SYNPR: variants seen among roughly 807,000 people sequenced by gnomAD.
SYNPR encodes synaptoporin.
SYNPR carries 23 observed loss-of-function variants against 32.9 expected under a neutral mutation model. That is an observed-to-expected ratio of 0.70 (90% confidence interval 0.50 to 0.99). SYNPR has a LOEUF of 0.99. SYNPR is among the 50% of genes least tolerant of loss of function. SYNPR has a pLI of 0.00. For missense variants in SYNPR, 318 were observed against 349.3 expected (o/e 0.91, Z 0.71); for synonymous variants, 146 against 135.9 (o/e 1.07, Z -0.52).
At chr3:63,369,312 T>A (rs928192805) in intron 2 of SYNPR, among the ~76,000 whole-genome samples, 12 of 152,320 alleles carry the variant, frequency 7.9e-5, no homozygotes, top group African/African-American at 2.4e-4. Flanking sequence ...AATAAAGTTC[T>A]GTTGTCAAAA....
intron 2 of SYNPR, among the ~76,000 whole-genome samples, chr3:63,438,251 C>A (rs1007004370): frequency 6.6e-6 from 1 of 152,142 alleles, no homozygotes; most frequent in African/African-American, 2.4e-5. Flanking sequence ...CATTTCCATC[C>A]AAAAATCCTA....
At chr3:63,486,158 C>T (rs1485342456) in intron 3 of SYNPR, among the ~76,000 whole-genome samples, 3 of 152,190 alleles carry the variant, frequency 2.0e-5, no homozygotes, top group African/African-American at 4.8e-5. Context: ...ATCCACCTAC[C>T]TTGGCCCCCA....
chr3:63,423,322 C>A (rs912059311), intron 2 of SYNPR, among the ~76,000 whole-genome samples: 1 of 152,122 alleles, frequency 6.6e-6, no homozygotes, highest in Non-Finnish European at 1.5e-5. Context: ...CAAATGGACT[C>A]CCTGCCCCAC....
At chr3:63,480,019 T>G (rs78954716) in intron 2 of SYNPR, among the ~76,000 whole-genome samples, 2 of 152,234 alleles carry the variant, frequency 1.3e-5, no homozygotes, top group African/African-American at 4.8e-5. Flanking sequence ...GAAATTCTTT[T>G]GAGCTTAGCC....
intron 2 of SYNPR, among the ~76,000 whole-genome samples, chr3:63,256,903 C>T (rs549370102): frequency 7.2e-5 from 11 of 152,238 alleles, no homozygotes; most frequent in South Asian, 4.1e-4. Flanking sequence ...AACCACGGCA[C>T]GAGAACTACG....
the SYNPR span, among the ~76,000 whole-genome samples, chr3:63,202,214 C>T: frequency 6.6e-6 from 1 of 152,136 alleles, no homozygotes; most frequent in Non-Finnish European, 1.5e-5. Context: ...AACCAAATGA[C>T]TCCTAGATTC....
chr3:63,209,880 A>C, the SYNPR span, among the ~76,000 whole-genome samples: 31 of 152,312 alleles, frequency 2.0e-4, no homozygotes, highest in South Asian at 8.3e-4. Context: ...GCTCCATGAA[A>C]CATGGAAGGT....
intron 2 of SYNPR, among the ~76,000 whole-genome samples, chr3:63,473,394 T>C (rs918078895): frequency 6.6e-6 from 1 of 152,146 alleles, no homozygotes; most frequent in African/African-American, 2.4e-5. Context: ...ATTGATTGAT[T>C]GATTGATTGA....
At chr3:63,480,616 C>A (rs970685400) in intron 2 of SYNPR, among the ~76,000 whole-genome samples, 1 of 152,142 alleles carries the variant, frequency 6.6e-6, no homozygotes, top group Non-Finnish European at 1.5e-5. Flanking sequence ...ATTCTCCAAG[C>A]CACATTTCTT....
At chr3:63,496,137 T>A (rs907364583) in intron 3 of SYNPR, among the ~76,000 whole-genome samples, 3 of 152,086 alleles carry the variant, frequency 2.0e-5, no homozygotes, top group Admixed American at 6.6e-5. Flanking sequence ...ATTTATTTTT[T>A]AAAAATCCTA....
At position 63,612,493 on chromosome 3, in the gene SYNPR, C is replaced by T. The variant is rs567262770; in HGVS notation, c.601-2731C>T. Among the ~76,000 whole-genome samples, 11 of 152,276 alleles carry T rather than the reference C, an allele frequency of 7.2e-5. No individual in the cohort carries two copies. In the East Asian group the frequency reaches 1.9e-3, roughly 27 times the overall value. On this transcript the variant is annotated intron_variant, in intron 5 of 5. Transcript: ENST00000478300. ...TTTTAGACGATCTAGATCTTGTCTC[C>T]CCATTGTTTGCATGTTATGTACAGT...
intron 2 of SYNPR, among the ~76,000 whole-genome samples, chr3:63,446,466 C>T (rs1700278718): frequency 6.6e-6 from 1 of 152,016 alleles, no homozygotes; most frequent in South Asian, 2.1e-4. Context: ...TCCTTTGCAC[C>T]TGAGCAGTGG....
chr3:63,610,601 A>G (rs6445369), intron 5 of SYNPR: 2 of 633,980 alleles, frequency 3.2e-6, no homozygotes, highest in Admixed American at 4.8e-5. Context: ...GTCTCACAAT[A>G]ATTTTTATTC....
intron 2 of SYNPR, among the ~76,000 whole-genome samples, chr3:63,383,925 G>C (rs893241894): frequency 6.6e-6 from 1 of 152,214 alleles, no homozygotes; most frequent in African/African-American, 2.4e-5. Context: ...ACTATGTGTG[G>C]TGATGAATGT....
intron 2 of SYNPR, among the ~76,000 whole-genome samples, chr3:63,392,532 A>AGAATCCAG (rs1247288415): frequency 2.2e-4 from 33 of 152,160 alleles, no homozygotes; most frequent in African/African-American, 8.0e-4. Context: ...GGCTGCTGTG[A>AGAATCCAG]GAATCCAGGG....
chr3:63,315,080 T>G (rs1394076267), intron 2 of SYNPR, among the ~76,000 whole-genome samples: 13 of 152,102 alleles, frequency 8.5e-5, no homozygotes, highest in Non-Finnish European at 1.6e-4. Context: ...CTCTATACTG[T>G]GTCATTGGTC....
At chr3:63,527,007 G>A (rs1194960126) in intron 3 of SYNPR, among the ~76,000 whole-genome samples, 1 of 152,008 alleles carries the variant, frequency 6.6e-6, no homozygotes, top group African/African-American at 2.4e-5. Flanking sequence ...GGCCAGAGAA[G>A]AGCAGTGTTT....
intron 2 of SYNPR, among the ~76,000 whole-genome samples, chr3:63,397,860 T>G (rs867813786): frequency 1.3e-5 from 2 of 152,252 alleles, no homozygotes; most frequent in Non-Finnish European, 2.9e-5. Flanking sequence ...TCTTATCTTT[T>G]GGGGCCTAAG....
At chr3:63,306,811 C>T (rs2086914692) in intron 2 of SYNPR, among the ~76,000 whole-genome samples, 1 of 151,924 alleles carries the variant, frequency 6.6e-6, no homozygotes, top group Admixed American at 6.6e-5. Flanking sequence ...CTGGCTTAGA[C>T]TTCAGGAAGG....
Sources: allele counts gnomAD v4.1 joint callset (sites outside exome capture counted in the v4.1 genomes callset), GRCh38; gene constraint gnomAD v4.1.1; transcripts MANE v1.5; gene names NCBI Gene and HGNC (gene_info 2026-07-23, HGNC 2026-07-21).